SPMIP2: variants seen among roughly 807,000 people sequenced by gnomAD.
SPMIP2 encodes sperm microtubule inner protein 2.
the SPMIP2 span, among the ~76,000 whole-genome samples, chr4:158,958,142 G>A: frequency 6.6e-6 from 1 of 152,016 alleles, no homozygotes; most frequent in African/African-American, 2.4e-5. Context: ...GGGACCACAT[G>A]TGTGTACCAC....
the SPMIP2 span, among the ~76,000 whole-genome samples, chr4:159,068,452 T>C: frequency 2.2e-4 from 31 of 139,180 alleles, no homozygotes; most frequent in African/African-American, 8.4e-4. Flanking sequence ...GGGGTGGGAA[T>C]TGAACAATGA....
At chr4:159,004,204 A>G in the SPMIP2 span, among the ~76,000 whole-genome samples, 2 of 151,210 alleles carry the variant, frequency 1.3e-5, no homozygotes, top group Admixed American at 6.6e-5. Context: ...TATTTTTGGT[A>G]GAGACAGGGT....
the SPMIP2 span, among the ~76,000 whole-genome samples, chr4:158,979,937 G>A: frequency 6.6e-6 from 1 of 151,962 alleles, no homozygotes; most frequent in Non-Finnish European, 1.5e-5. Context: ...AACCCAGCAA[G>A]CTAAGATCCA....
At chr4:159,034,910 A>G in the SPMIP2 span, 3 of 758,004 alleles carry the variant, frequency 4.0e-6, no homozygotes, top group Non-Finnish European at 6.3e-6. Context: ...AACCCAAAAA[A>G]CAAACAAAAA....
chr4:159,081,957 C>T, the SPMIP2 span, among the ~76,000 whole-genome samples: 2 of 152,044 alleles, frequency 1.3e-5, no homozygotes, highest in East Asian at 3.8e-4. Flanking sequence ...ATTTTCCCAT[C>T]CAGACTCTGC....
chr4:158,899,862 T>A, the SPMIP2 span, among the ~76,000 whole-genome samples: 1 of 152,218 alleles, frequency 6.6e-6, no homozygotes, highest in African/African-American at 2.4e-5. Context: ...TCTGCTCTGA[T>A]CTTAGTTATT....
At chr4:159,070,129 C>T in the SPMIP2 span, among the ~76,000 whole-genome samples, 9 of 152,084 alleles carry the variant, frequency 5.9e-5, no homozygotes, top group Admixed American at 1.3e-4. Context: ...TTACACCCTG[C>T]CCCTAACTTG....
At chr4:159,044,503 C>A in the SPMIP2 span, among the ~76,000 whole-genome samples, 2,891 of 151,458 alleles carry the variant, frequency 0.019, 104 homozygotes, top group African/African-American at 0.067. Flanking sequence ...AAAAAAAAAT[C>A]AAGTCAAAAG....
chr4:159,069,304 AAAAC>A, the SPMIP2 span, among the ~76,000 whole-genome samples: 1 of 152,216 alleles, frequency 6.6e-6, no homozygotes, highest in Non-Finnish European at 1.5e-5. Flanking sequence ...CTCCGTCTCA[AAAAC>A]AAACAAACAA....
chr4:159,074,788 T>C, the SPMIP2 span, among the ~76,000 whole-genome samples: 1 of 152,160 alleles, frequency 6.6e-6, no homozygotes, highest in Non-Finnish European at 1.5e-5. Context: ...ATATTATTCA[T>C]GTTAAGAATT....
the SPMIP2 span, among the ~76,000 whole-genome samples, chr4:158,920,312 ATTT>A: frequency 6.6e-6 from 1 of 152,118 alleles, no homozygotes; most frequent in Non-Finnish European, 1.5e-5. Context: ...AATAACAGCA[ATTT>A]TTAGGGAACA....
chr4:158,962,265 T>C, the SPMIP2 span, among the ~76,000 whole-genome samples: 2 of 152,200 alleles, frequency 1.3e-5, no homozygotes, highest in Non-Finnish European at 2.9e-5. Flanking sequence ...AGTCTAGTCC[T>C]GACACATTTA....
At chr4:159,049,094 T>C in the SPMIP2 span, among the ~76,000 whole-genome samples, 1 of 152,188 alleles carries the variant, frequency 6.6e-6, no homozygotes, top group African/African-American at 2.4e-5. Flanking sequence ...GAATTCTCTA[T>C]TGTAAATTGA....
the SPMIP2 span, among the ~76,000 whole-genome samples, chr4:158,988,360 G>GA: frequency 6.6e-6 from 1 of 152,058 alleles, no homozygotes; most frequent in Non-Finnish European, 1.5e-5. Context: ...CCAAATAATA[G>GA]AAAAAGAGGG....
the SPMIP2 span, among the ~76,000 whole-genome samples, chr4:159,054,122 C>T: frequency 1.2e-4 from 19 of 152,124 alleles, no homozygotes; most frequent in Admixed American, 1.2e-3. Flanking sequence ...GCTGGGACTA[C>T]AGGTGCATGC....
At chr4:159,017,628 C>T in the SPMIP2 span, among the ~76,000 whole-genome samples, 2 of 152,130 alleles carry the variant, frequency 1.3e-5, no homozygotes, top group South Asian at 4.1e-4. Context: ...GTCCTATCTC[C>T]CTATCATTTA....
the SPMIP2 span, among the ~76,000 whole-genome samples, chr4:158,934,294 C>A: frequency 6.6e-6 from 1 of 152,164 alleles, no homozygotes; most frequent in Non-Finnish European, 1.5e-5. Flanking sequence ...AACCCCATCT[C>A]TACTAAAAAT....
At chr4:159,061,451 G>C in the SPMIP2 span, among the ~76,000 whole-genome samples, 2 of 151,986 alleles carry the variant, frequency 1.3e-5, no homozygotes, top group Non-Finnish European at 2.9e-5. Flanking sequence ...GAGACACATG[G>C]CATGGGCGCC....
At chr4:158,992,164 A>C in the SPMIP2 span, among the ~76,000 whole-genome samples, 9 of 152,244 alleles carry the variant, frequency 5.9e-5, no homozygotes, top group Non-Finnish European at 1.3e-4. Flanking sequence ...CTGAGATTAC[A>C]GACATGAGCC....
Sources: gnomAD v4.1 joint callset for allele counts (sites outside exome capture counted in the v4.1 genomes callset) on GRCh38, gnomAD v4.1.1 for gene constraint, MANE v1.5 for transcripts, NCBI Gene and HGNC (gene_info 2026-07-23, HGNC 2026-07-21) for gene names.